SCHIP1: variants seen among roughly 807,000 people sequenced by gnomAD.
SCHIP1 encodes the protein schwannomin-interacting protein 1.
In SCHIP1, 8 loss-of-function variants were observed where a neutral mutation model predicts 29.7. The ratio of observed to expected loss-of-function variants is 0.27; its 90% CI spans 0.16 to 0.49. The LOEUF (loss-of-function observed/expected upper bound fraction) is 0.49, where lower values mean the gene tolerates loss of function less well. Ranked by LOEUF, SCHIP1 falls within the 20% of genes least tolerant of loss-of-function variation. The probability of loss-of-function intolerance (pLI) is 0.99; values close to 1 mark genes in which losing one functional copy is unlikely to be tolerated. For synonymous variants in SCHIP1, 76 were observed against 94.9 expected, an observed-to-expected ratio of 0.80 and a Z score of 1.16; for missense variants, 193 against 294.6, an observed-to-expected ratio of 0.66 and a Z score of 2.52.
chr3:159,790,832 A>T, the SCHIP1 span, among the ~76,000 whole-genome samples: 1 of 152,142 alleles, frequency 6.6e-6, no homozygotes, highest in Non-Finnish European at 1.5e-5. Context: ...TTCTGCCTTT[A>T]TCATTGCTAT....
chr3:159,754,007 C>T, the SCHIP1 span, among the ~76,000 whole-genome samples: 1 of 152,194 alleles, frequency 6.6e-6, no homozygotes, highest in Admixed American at 6.5e-5. Context: ...TTATTGCAAA[C>T]TGTAATTTAA....
the SCHIP1 span, among the ~76,000 whole-genome samples, chr3:159,625,128 C>A: frequency 6.6e-6 from 1 of 152,172 alleles, no homozygotes; most frequent in Admixed American, 6.5e-5. Flanking sequence ...AACCAGGGGT[C>A]TGTGCAGCGC....
chr3:159,817,412 T>C, the SCHIP1 span, among the ~76,000 whole-genome samples: 3 of 152,138 alleles, frequency 2.0e-5, no homozygotes, highest in Non-Finnish European at 2.9e-5. Flanking sequence ...ACCTGGACAC[T>C]GAATTGCATC....
chr3:159,441,553 G>A, the SCHIP1 span, among the ~76,000 whole-genome samples: 2 of 152,032 alleles, frequency 1.3e-5, no homozygotes, highest in African/African-American at 4.8e-5. Flanking sequence ...TTATGTGAGA[G>A]TTCAAACCAG....
the SCHIP1 span, among the ~76,000 whole-genome samples, chr3:159,504,874 G>C: frequency 6.6e-6 from 1 of 152,058 alleles, no homozygotes; most frequent in Non-Finnish European, 1.5e-5. Context: ...TACCGTGTTA[G>C]GCAGCTTACT....
At chr3:159,755,952 A>G in the SCHIP1 span, among the ~76,000 whole-genome samples, 1 of 152,262 alleles carries the variant, frequency 6.6e-6, no homozygotes, top group Admixed American at 6.5e-5. Context: ...GGTCCTGGGC[A>G]GCTCTGCTTC....
the SCHIP1 span, among the ~76,000 whole-genome samples, chr3:159,755,079 CA>C: frequency 1.3e-5 from 2 of 151,972 alleles, no homozygotes; most frequent in African/African-American, 4.8e-5. Context: ...ACTAAAAATA[CA>C]AAAAATTAGC....
the SCHIP1 span, among the ~76,000 whole-genome samples, chr3:159,514,213 C>T: frequency 4.6e-5 from 7 of 152,030 alleles, no homozygotes; most frequent in Non-Finnish European, 1.0e-4. Context: ...GAATGTGCGT[C>T]GGAAAGGCCT....
the SCHIP1 span, among the ~76,000 whole-genome samples, chr3:159,456,601 G>A: frequency 6.6e-6 from 1 of 152,158 alleles, no homozygotes; most frequent in Non-Finnish European, 1.5e-5. Context: ...TAGATCATTT[G>A]GGGGACAGAA....
At chr3:159,320,535 A>C in the SCHIP1 span, among the ~76,000 whole-genome samples, 3 of 152,172 alleles carry the variant, frequency 2.0e-5, no homozygotes, top group Non-Finnish European at 4.4e-5. Context: ...ACCATCAATC[A>C]AATTCAGGTT....
the SCHIP1 span, among the ~76,000 whole-genome samples, chr3:159,656,973 A>G: frequency 1.3e-5 from 2 of 151,858 alleles, no homozygotes; most frequent in Non-Finnish European, 2.9e-5. Context: ...GGGGCATTTG[A>G]GGTCACATAC....
At chr3:159,393,214 C>A in the SCHIP1 span, among the ~76,000 whole-genome samples, 1 of 152,082 alleles carries the variant, frequency 6.6e-6, no homozygotes, top group Non-Finnish European at 1.5e-5. Flanking sequence ...TGGATATTAG[C>A]CCTTTGTCAG....
the SCHIP1 span, among the ~76,000 whole-genome samples, chr3:159,632,536 T>C: frequency 1.3e-5 from 2 of 152,226 alleles, no homozygotes; most frequent in African/African-American, 4.8e-5. Flanking sequence ...AATTTTGTTG[T>C]ATTAGCAACT....
the SCHIP1 span, among the ~76,000 whole-genome samples, chr3:159,750,902 CA>C: frequency 3.4e-4 from 12 of 35,586 alleles, no homozygotes; most frequent in Admixed American, 9.5e-4. Flanking sequence ...TCCAAACAAA[CA>C]AAAAAAAATT....
At chr3:159,443,518 CT>C in the SCHIP1 span, among the ~76,000 whole-genome samples, 3 of 150,948 alleles carry the variant, frequency 2.0e-5, no homozygotes, top group African/African-American at 7.3e-5. Context: ...AACTTATTCC[CT>C]TTTTTTTTGA....
the SCHIP1 span, among the ~76,000 whole-genome samples, chr3:159,378,210 T>C: frequency 8.7e-3 from 1,321 of 152,332 alleles, 10 homozygotes; most frequent in African/African-American, 0.03. Flanking sequence ...CAGGCAGTAT[T>C]GAAGGTTAAT....
chr3:159,343,961 G>A, the SCHIP1 span, among the ~76,000 whole-genome samples: 1 of 152,152 alleles, frequency 6.6e-6, no homozygotes, highest in East Asian at 1.9e-4. Flanking sequence ...ATTATTTGGA[G>A]GAATAACTCT....
the SCHIP1 span, among the ~76,000 whole-genome samples, chr3:159,800,899 A>G: frequency 2.0e-5 from 3 of 149,742 alleles, no homozygotes; most frequent in African/African-American, 7.3e-5. Flanking sequence ...TTGTGGCTGT[A>G]CCAAAAATGC....
intron 2 of SCHIP1, among the ~76,000 whole-genome samples, chr3:159,868,018 CAAT>C (rs1047124076): frequency 2.1e-5 from 3 of 141,658 alleles, no homozygotes; most frequent in African/African-American, 5.2e-5. Context: ...ATATATAAAT[CAAT>C]GATTTTTATA....
Sources: allele counts gnomAD v4.1 joint callset (sites outside exome capture counted in the v4.1 genomes callset), GRCh38; gene constraint gnomAD v4.1.1; transcripts MANE v1.5; gene names NCBI Gene and HGNC (gene_info 2026-07-23, HGNC 2026-07-21).